Variants in CATSPERB observed in about 807,000 individuals in gnomAD.
CATSPERB encodes the protein cation channel sperm-associated auxiliary subunit beta.
CATSPERB carries 93 observed loss-of-function variants against 128.3 expected under a neutral mutation model. The ratio of observed to expected loss-of-function variants is 0.72; its 90% confidence interval spans 0.61 to 0.86. CATSPERB has a LOEUF of 0.86. CATSPERB is among the 40% of genes least tolerant of loss of function. The pLI, the probability that CATSPERB is intolerant of heterozygous loss-of-function variation, is 0.00. For missense variants in CATSPERB, 1,153 were observed against 1,329.5 expected, an observed-to-expected ratio of 0.87 and a Z score of 2.06; for synonymous variants, 381 against 448.8, an observed-to-expected ratio of 0.85 and a Z score of 1.91.
intron 3 of CATSPERB, among the ~76,000 whole-genome samples, 162 bp from the exon 4 acceptor site, chr14:91,723,351 A>G (rs1678816326): frequency 6.6e-6 from 1 of 152,156 alleles, no homozygotes; most frequent in Admixed American, 6.5e-5. Context: ...TTATGCTAGC[A>G]TCATAAAGGT....
chr14:91,591,831 C>A (rs1893409179), intron 23 of CATSPERB, 61 bp downstream of exon 23: 1 of 1,127,326 alleles, frequency 8.9e-7, no homozygotes, highest in Non-Finnish European at 1.3e-6. Flanking sequence ...CCTAAAGGCA[C>A]ATTTCAAAAT....
chr14:91,601,523 T>G (rs1047746773), intron 22 of CATSPERB, among the ~76,000 whole-genome samples: 8 of 152,160 alleles, frequency 5.3e-5, no homozygotes, highest in Admixed American at 4.6e-4. Context: ...TGTAGGAAAT[T>G]GTTTACGAGT....
chr14:91,703,318 T>C (rs1895680945), intron 7 of CATSPERB, among the ~76,000 whole-genome samples: 1 of 152,156 alleles, frequency 6.6e-6, no homozygotes, highest in Non-Finnish European at 1.5e-5. Flanking sequence ...GATAGAGAAC[T>C]CCTAAAACCT....
chr14:91,633,849 A>G (rs1894319922), intron 17 of CATSPERB, among the ~76,000 whole-genome samples: 1 of 151,936 alleles, frequency 6.6e-6, no homozygotes, highest in Non-Finnish European at 1.5e-5. Flanking sequence ...GAGAGAGAAA[A>G]AGAAAAAGAG....
At chr14:91,670,769 C>T (rs1343820023) in intron 13 of CATSPERB, among the ~76,000 whole-genome samples, 1 of 152,068 alleles carries the variant, frequency 6.6e-6, no homozygotes, top group Non-Finnish European at 1.5e-5. Flanking sequence ...TTTGGGGGGC[C>T]GAACTGGGTG....
At chr14:91,686,547 A>G (rs1308469145) in intron 10 of CATSPERB, among the ~76,000 whole-genome samples, 1 of 151,986 alleles carries the variant, frequency 6.6e-6, no homozygotes, top group Non-Finnish European at 1.5e-5. Flanking sequence ...CCACTCCCCA[A>G]TCCCAGCACC....
At chr14:91,618,859 T>C (rs938202079) in intron 19 of CATSPERB, among the ~76,000 whole-genome samples, 1 of 152,206 alleles carries the variant, frequency 6.6e-6, no homozygotes, top group Non-Finnish European at 1.5e-5. Context: ...CCCGGAGATT[T>C]TGTTGAAATA....
rs1894751248 is a variant in CATSPERB at position 91,654,157 on chromosome 14, A to G, written c.1432+5680T>C. On this transcript the variant is annotated intron_variant, in intron 15 of 26. Transcript: ENST00000256343. ...GATTATAGAGAGGAGGCAGAGCAAG[A>G]TGGCTGAATAGAGCCTCCAGTGATT... Among the ~76,000 whole-genome samples, 5 of 152,220 alleles carry G rather than the reference A, an allele frequency of 3.3e-5. No homozygotes were observed. The South Asian group carries it at 1.0e-3, about 31-fold the overall frequency.
chr14:91,669,353 A>C (rs1595172407), intron 14 of CATSPERB, among the ~76,000 whole-genome samples: 4 of 57,870 alleles, frequency 6.9e-5, no homozygotes, highest in Admixed American at 5.0e-4. Flanking sequence ...CCAAGCTTTC[A>C]GTGTACTGAT....
At chr14:91,719,796 C>T (rs751094691) in intron 4 of CATSPERB, among the ~76,000 whole-genome samples, 22 of 152,096 alleles carry the variant, frequency 1.4e-4, no homozygotes, top group Non-Finnish European at 2.2e-4. Context: ...GAAGTATTTA[C>T]TCATGACATG....
intron 15 of CATSPERB, among the ~76,000 whole-genome samples, chr14:91,642,756 A>T (rs1328964866): frequency 1.4e-5 from 2 of 138,932 alleles, no homozygotes; most frequent in Admixed American, 1.5e-4. Flanking sequence ...CTCTTTTTCT[A>T]TTGATTGGAA....
At chr14:91,693,277 G>C in intron 8 of CATSPERB, 33 bp from the exon 9 acceptor site, 2 of 1,575,256 alleles carry the variant, frequency 1.3e-6, no homozygotes, top group Non-Finnish European at 8.7e-7. Context: ...GGATTAAAAA[G>C]TAAGAAAAAA....
At chr14:91,587,042 C>T (rs1332158121) in intron 26 of CATSPERB, among the ~76,000 whole-genome samples, 160 bp downstream of exon 26, 2 of 152,212 alleles carry the variant, frequency 1.3e-5, no homozygotes, top group African/African-American at 4.8e-5. Context: ...GGCTTTGTCA[C>T]TACTGACAGG....
intron 14 of CATSPERB, among the ~76,000 whole-genome samples, chr14:91,663,387 T>C (rs1894919164): frequency 6.6e-6 from 1 of 152,148 alleles, no homozygotes; most frequent in South Asian, 2.1e-4. Flanking sequence ...TGTTATTGCA[T>C]ATGGGTGGTG....
At chr14:91,721,726 T>G (rs1268582367) in intron 4 of CATSPERB, among the ~76,000 whole-genome samples, 1 of 151,948 alleles carries the variant, frequency 6.6e-6, no homozygotes, top group African/African-American at 2.4e-5. Context: ...GGCGGATGCC[T>G]GTAGTCCCAG....
chr14:91,639,676 G>T (rs925949603), intron 15 of CATSPERB, among the ~76,000 whole-genome samples: 1 of 152,146 alleles, frequency 6.6e-6, no homozygotes, highest in Non-Finnish European at 1.5e-5. Flanking sequence ...GAACCAAACT[G>T]GGCGTCCTGT....
chr14:91,661,124 C>G (rs1894873325), intron 14 of CATSPERB, among the ~76,000 whole-genome samples: 1 of 152,136 alleles, frequency 6.6e-6, no homozygotes, highest in South Asian at 2.1e-4. Context: ...AATTTTCACT[C>G]TTGCTTTGGG....
intron 7 of CATSPERB, among the ~76,000 whole-genome samples, chr14:91,696,191 G>A (rs954075466): frequency 4.6e-5 from 7 of 152,236 alleles, no homozygotes; most frequent in Non-Finnish European, 1.0e-4. Context: ...ACTGGATTAA[G>A]TCTTCTGGAG....
intron 10 of CATSPERB, among the ~76,000 whole-genome samples, chr14:91,688,134 T>G (rs2139842733): frequency 6.6e-6 from 1 of 152,296 alleles, no homozygotes; most frequent in Non-Finnish European, 1.5e-5. Flanking sequence ...TTTATTAAAG[T>G]TCTTTCTTGA....
Sources: gnomAD v4.1 joint callset for allele counts (sites outside exome capture counted in the v4.1 genomes callset) on GRCh38, gnomAD v4.1.1 for gene constraint, MANE v1.5 for transcripts, NCBI Gene and HGNC (gene_info 2026-07-23, HGNC 2026-07-21) for gene names.